C1QTNF3: variants seen among roughly 807,000 people sequenced by gnomAD.
C1QTNF3 encodes C1q and TNF related 3, also known as complement C1q tumor necrosis factor-related protein 3.
C1QTNF3 carries 26 observed loss-of-function variants against 32.6 expected under a neutral mutation model. The ratio of observed to expected loss-of-function variants is 0.80; its 90% CI spans 0.58 to 1.11. C1QTNF3 has a LOEUF of 1.11. Ranked by LOEUF, C1QTNF3 falls within the 50% of genes least tolerant of loss-of-function variation. C1QTNF3 has a pLI of 0.00. For synonymous variants in C1QTNF3, 155 were observed against 146.0 expected, an observed-to-expected ratio of 1.06 and a Z score of -0.44; for missense variants, 362 against 398.2, an observed-to-expected ratio of 0.91 and a Z score of 0.77.
the C1QTNF3 span, among the ~76,000 whole-genome samples, chr5:34,162,876 A>T: frequency 6.6e-6 from 1 of 152,274 alleles, no homozygotes; most frequent in Admixed American, 6.6e-5. Flanking sequence ...GAGAAAAATT[A>T]TCATTGCCCT....
the C1QTNF3 span, among the ~76,000 whole-genome samples, chr5:34,063,525 G>A: frequency 6.6e-6 from 1 of 151,692 alleles, no homozygotes; most frequent in South Asian, 2.1e-4. Flanking sequence ...TGGTGGGGGG[G>A]CTGGGGGGAA....
the C1QTNF3 span, among the ~76,000 whole-genome samples, chr5:34,171,929 T>C: frequency 6.6e-6 from 1 of 152,240 alleles, no homozygotes; most frequent in African/African-American, 2.4e-5. Flanking sequence ...TGGGTATATT[T>C]ATTCAACCAA....
At chr5:34,089,630 G>T in the C1QTNF3 span, among the ~76,000 whole-genome samples, 1 of 152,210 alleles carries the variant, frequency 6.6e-6, no homozygotes, top group Non-Finnish European at 1.5e-5. Context: ...AAGTTACCCA[G>T]TGTATGGTAT....
the C1QTNF3 span, among the ~76,000 whole-genome samples, chr5:34,056,586 C>T: frequency 6.7e-6 from 1 of 150,104 alleles, no homozygotes; most frequent in South Asian, 2.1e-4. Context: ...AATCATGGTT[C>T]CCTGCAGCCT....
the C1QTNF3 span, chr5:34,124,558 A>T: frequency 4.6e-6 from 3 of 647,390 alleles, no homozygotes; most frequent in African/African-American, 3.6e-5. Context: ...GTGAGAATTC[A>T]CTCACTATCA....
At chr5:34,204,602 T>A in the C1QTNF3 span, among the ~76,000 whole-genome samples, 1 of 151,658 alleles carries the variant, frequency 6.6e-6, no homozygotes, top group African/African-American at 2.4e-5. Context: ...TTCAGGAGGG[T>A]GGGAGGAGGG....
At chr5:34,229,413 C>T in the C1QTNF3 span, among the ~76,000 whole-genome samples, 1 of 152,020 alleles carries the variant, frequency 6.6e-6, no homozygotes, top group African/African-American at 2.4e-5. Context: ...GGTACCAGAA[C>T]CTATTGATTA....
chr5:34,103,558 TCTATAA>T, the C1QTNF3 span, among the ~76,000 whole-genome samples: 1 of 142,710 alleles, frequency 7.0e-6, no homozygotes, highest in Non-Finnish European at 1.5e-5. Context: ...GTGGCTCACG[TCTATAA>T]TTCCAGCACT....
At chr5:34,046,382 C>G (rs145190390), upstream of C1QTNF3, among the ~76,000 whole-genome samples, 24 of 152,250 alleles carry the variant, frequency 1.6e-4, no homozygotes, top group East Asian at 4.4e-3. Context: ...AAGATGAGGT[C>G]ATTAGGGTGG....
the C1QTNF3 span, among the ~76,000 whole-genome samples, chr5:34,148,230 T>C: frequency 6.2e-5 from 9 of 145,526 alleles, no homozygotes; most frequent in East Asian, 1.7e-3. Context: ...CGCTGATTGC[T>C]AGCACAGCAG....
the C1QTNF3 span, among the ~76,000 whole-genome samples, chr5:34,234,109 T>A: frequency 4.6e-5 from 7 of 152,140 alleles, no homozygotes; most frequent in Non-Finnish European, 8.8e-5. Flanking sequence ...CAGATGACTT[T>A]TATTATTTTC....
the C1QTNF3 span, among the ~76,000 whole-genome samples, chr5:34,221,627 TGAAGA>T: frequency 3.3e-5 from 5 of 152,234 alleles, no homozygotes; most frequent in Admixed American, 1.3e-4. Context: ...CTGAAGATGA[TGAAGA>T]GAAAACTGTG....
At chr5:34,146,065 A>C in the C1QTNF3 span, among the ~76,000 whole-genome samples, 1 of 152,186 alleles carries the variant, frequency 6.6e-6, no homozygotes, top group Non-Finnish European at 1.5e-5. Context: ...AAATAGGCCA[A>C]AGCTGGAAAC....
chr5:34,100,586 T>C, the C1QTNF3 span, among the ~76,000 whole-genome samples: 1 of 150,776 alleles, frequency 6.6e-6, no homozygotes, highest in African/African-American at 2.4e-5. Context: ...ATCAAACATA[T>C]TTACATACTG....
At chr5:34,124,245 G>A in the C1QTNF3 span, 19 of 489,960 alleles carry the variant, frequency 3.9e-5, no homozygotes, top group Admixed American at 1.8e-4. Flanking sequence ...TCCCTGGAAA[G>A]CTGGTAAACT....
At chr5:34,175,792 C>T in the C1QTNF3 span, 1 of 726,100 alleles carries the variant, frequency 1.4e-6, no homozygotes, top group Non-Finnish European at 2.6e-6. Flanking sequence ...AGGACGGGTA[C>T]ATTATCCCAT....
chr5:34,195,200 A>G, the C1QTNF3 span, among the ~76,000 whole-genome samples: 1 of 152,206 alleles, frequency 6.6e-6, no homozygotes, highest in African/African-American at 2.4e-5. Flanking sequence ...ATCACATTGT[A>G]CCCCATATAT....
the C1QTNF3 span, among the ~76,000 whole-genome samples, chr5:34,066,273 C>T: frequency 1.1e-4 from 16 of 152,190 alleles, no homozygotes; most frequent in Non-Finnish European, 2.1e-4. Flanking sequence ...TTAACAACCA[C>T]CTGACCATGA....
the C1QTNF3 span, among the ~76,000 whole-genome samples, chr5:34,208,170 C>T: frequency 3.3e-4 from 50 of 152,310 alleles, no homozygotes; most frequent in Non-Finnish European, 6.3e-4. Flanking sequence ...AGGTCACTTA[C>T]GGAAGTCTCA....
Sources: allele counts gnomAD v4.1 joint callset (sites outside exome capture counted in the v4.1 genomes callset), GRCh38; gene constraint gnomAD v4.1.1; transcripts MANE v1.5; gene names NCBI Gene and HGNC (gene_info 2026-07-23, HGNC 2026-07-21).